Variants in GPC5 observed in about 807,000 individuals in gnomAD.
GPC5 encodes the protein glypican-5.
GPC5 carries 47 observed loss-of-function variants against 53.9 expected under a neutral mutation model. That is an observed-to-expected ratio of 0.87 (90% CI 0.69 to 1.11). The LOEUF (loss-of-function observed/expected upper bound fraction) is 1.11, where lower values mean the gene tolerates loss of function less well. GPC5 is among the 50% of genes most tolerant of loss of function. GPC5 has a pLI of 0.00. For missense variants in GPC5, 748 were observed against 713.1 expected (o/e 1.05, Z -0.56); for synonymous variants, 286 against 263.3 (o/e 1.09, Z -0.84).
intron 2 of GPC5, among the ~76,000 whole-genome samples, chr13:91,563,994 T>C (rs1566508188): frequency 6.6e-6 from 1 of 152,144 alleles, no homozygotes; most frequent in East Asian, 1.9e-4. Flanking sequence ...GGTGTCCCAC[T>C]CTTGACCCAA....
chr13:92,319,061 C>CT, intron 7 of GPC5, among the ~76,000 whole-genome samples: 1 of 152,156 alleles, frequency 6.6e-6, no homozygotes, highest in South Asian at 2.1e-4. Flanking sequence ...AAGGTTGTCT[C>CT]TATTTTCTCT....
chr13:92,163,216 CT>C (rs1566463707), intron 7 of GPC5, among the ~76,000 whole-genome samples: 1 of 151,984 alleles, frequency 6.6e-6, no homozygotes, highest in African/African-American at 2.4e-5. Flanking sequence ...AATCCCAGCA[CT>C]TGAGGAGTCC....
At chr13:92,837,741 A>G (rs1266765009) in intron 7 of GPC5, among the ~76,000 whole-genome samples, 1 of 152,130 alleles carries the variant, frequency 6.6e-6, no homozygotes, top group Non-Finnish European at 1.5e-5. Flanking sequence ...CCGCCAAACT[A>G]TTAACAGAAA....
At chr13:92,443,665 C>T (rs1877671305) in intron 7 of GPC5, among the ~76,000 whole-genome samples, 2 of 152,032 alleles carry the variant, frequency 1.3e-5, no homozygotes, top group Non-Finnish European at 2.9e-5. Flanking sequence ...GACAAAGGGG[C>T]AAGGTAGTAA....
At chr13:92,579,360 C>A (rs1277800122) in intron 7 of GPC5, among the ~76,000 whole-genome samples, 1 of 144,022 alleles carries the variant, frequency 6.9e-6, no homozygotes, top group South Asian at 2.3e-4. Context: ...CCCTTCCCAA[C>A]TGATGTAGTA....
intron 7 of GPC5, among the ~76,000 whole-genome samples, chr13:92,749,894 C>A (rs1889336881): frequency 6.6e-6 from 1 of 152,152 alleles, no homozygotes; most frequent in African/African-American, 2.4e-5. Flanking sequence ...AGAGGGCAAA[C>A]TTCTCTGCAC....
chr13:92,162,049 T>G (rs1376859206), intron 7 of GPC5, among the ~76,000 whole-genome samples: 1 of 137,886 alleles, frequency 7.3e-6, no homozygotes, highest in African/African-American at 3.0e-5. Flanking sequence ...ATGGATTTTG[T>G]ATCATAAGAT....
At chr13:91,666,078 G>A (rs1240251661) in intron 2 of GPC5, among the ~76,000 whole-genome samples, 1 of 152,086 alleles carries the variant, frequency 6.6e-6, no homozygotes, top group Non-Finnish European at 1.5e-5. Flanking sequence ...CCCTCTTATT[G>A]TCTTCATATT....
At chr13:91,629,286 T>C (rs1462549864) in intron 2 of GPC5, among the ~76,000 whole-genome samples, 1 of 152,172 alleles carries the variant, frequency 6.6e-6, no homozygotes, top group Non-Finnish European at 1.5e-5. Context: ...TTATTATACT[T>C]TCCTTGTCAT....
At chr13:92,390,204 T>C (rs1015303626) in intron 7 of GPC5, among the ~76,000 whole-genome samples, 2 of 152,162 alleles carry the variant, frequency 1.3e-5, no homozygotes, top group African/African-American at 4.8e-5. Context: ...TTATTTTATA[T>C]CAGACCTTAT....
intron 7 of GPC5, among the ~76,000 whole-genome samples, chr13:92,352,852 T>C (rs546334451): frequency 1.3e-5 from 2 of 152,240 alleles, no homozygotes; most frequent in Middle Eastern, 6.8e-3. Flanking sequence ...TTGGTATATA[T>C]CCAAGAGCAA....
chr13:92,064,444 G>A (rs2041149216), intron 6 of GPC5, among the ~76,000 whole-genome samples: 1 of 152,154 alleles, frequency 6.6e-6, no homozygotes, highest in Non-Finnish European at 1.5e-5. Context: ...CTTGAAACAG[G>A]AGAAGCTTAG....
At chr13:91,580,185 G>A (rs953598679) in intron 2 of GPC5, among the ~76,000 whole-genome samples, 1 of 152,104 alleles carries the variant, frequency 6.6e-6, no homozygotes, top group Middle Eastern at 3.4e-3. Flanking sequence ...AGAGTATCTG[G>A]GACTACAGGC....
At chr13:92,186,814 T>C (rs988926401) in intron 7 of GPC5, among the ~76,000 whole-genome samples, 2 of 152,106 alleles carry the variant, frequency 1.3e-5, no homozygotes, top group African/African-American at 2.4e-5. Context: ...GGAAGATCAT[T>C]ATGCCCACAT....
chr13:91,416,076 G>A (rs901147150), intron 1 of GPC5, among the ~76,000 whole-genome samples: 1 of 152,212 alleles, frequency 6.6e-6, no homozygotes, highest in East Asian at 1.9e-4. Flanking sequence ...CAAAGAACAG[G>A]AAATTACCCT....
intron 1 of GPC5, among the ~76,000 whole-genome samples, chr13:91,407,571 T>C (rs992586603): frequency 1.3e-5 from 2 of 152,224 alleles, no homozygotes; most frequent in African/African-American, 4.8e-5. Context: ...CTTGATTTTT[T>C]TTCTGCAAAA....
intron 7 of GPC5, among the ~76,000 whole-genome samples, chr13:92,634,067 T>C (rs1262556722): frequency 9.2e-5 from 14 of 152,080 alleles, no homozygotes; most frequent in Non-Finnish European, 1.9e-4. Flanking sequence ...TGAAAAACAC[T>C]AACAAAATTA....
chr13:92,134,420 A>C (rs1463077941), intron 6 of GPC5, among the ~76,000 whole-genome samples: 1 of 152,148 alleles, frequency 6.6e-6, no homozygotes, highest in Non-Finnish European at 1.5e-5. Context: ...ATACGTTAAA[A>C]TGTAAAAAGT....
intron 6 of GPC5, among the ~76,000 whole-genome samples, chr13:92,031,779 A>ATATTACATATTATATATAAT (rs1594734408): frequency 9.4e-6 from 1 of 106,104 alleles, no homozygotes; most frequent in East Asian, 2.2e-4. Flanking sequence ...TATAATATAT[A>ATATTACATATTATATATAAT]ATATATTACA....
Sources: gnomAD v4.1 joint callset for allele counts (sites outside exome capture counted in the v4.1 genomes callset) on GRCh38, gnomAD v4.1.1 for gene constraint, MANE v1.5 for transcripts, NCBI Gene and HGNC (gene_info 2026-07-23, HGNC 2026-07-21) for gene names.